Variants in STRN observed in about 807,000 individuals in gnomAD.
STRN encodes the protein striatin.
STRN carries 53 observed loss-of-function variants against 96.3 expected under a neutral mutation model. The observed-to-expected ratio is 0.55, with a 90% CI of 0.44 to 0.69. The LOEUF (loss-of-function observed/expected upper bound fraction) is 0.69. STRN is among the 30% of genes least tolerant of loss of function. The pLI is 0.00. For synonymous variants in STRN, 428 were observed against 355.9 expected (o/e 1.20, Z -2.28); for missense variants, 987 against 963.9 (o/e 1.02, Z -0.32).
chr2:36,944,809 T>G (rs532355416), intron 1 of STRN, among the ~76,000 whole-genome samples: 2 of 152,164 alleles, frequency 1.3e-5, no homozygotes, highest in Non-Finnish European at 2.9e-5. Flanking sequence ...ATGGAAGAGA[T>G]GCTTAAATTC....
chr2:36,950,499 G>C (rs555423403), intron 1 of STRN, among the ~76,000 whole-genome samples: 3 of 152,250 alleles, frequency 2.0e-5, no homozygotes, highest in South Asian at 2.1e-4. Flanking sequence ...TACAGGCGTA[G>C]TTTTTACTTA....
At chr2:36,862,982 C>T (rs1325234059) in intron 12 of STRN, among the ~76,000 whole-genome samples, 4 of 152,184 alleles carry the variant, frequency 2.6e-5, no homozygotes, top group Non-Finnish European at 5.9e-5. Context: ...CTCGGCCTCC[C>T]AAAGTGCTGG....
chr2:36,950,870 G>C (rs1287439068), intron 1 of STRN, among the ~76,000 whole-genome samples: 1 of 152,156 alleles, frequency 6.6e-6, no homozygotes, highest in African/African-American at 2.4e-5. Context: ...AGGGGAAGCA[G>C]GCTCAGAGAC....
chr2:36,863,257 A>C (rs1429177749), intron 12 of STRN, among the ~76,000 whole-genome samples: 1 of 151,832 alleles, frequency 6.6e-6, no homozygotes, highest in African/African-American at 2.4e-5. Context: ...TTGCCAGGGC[A>C]TATGTCTAGA....
chr2:36,917,267 A>G (rs969562312), intron 2 of STRN, among the ~76,000 whole-genome samples: 1 of 151,900 alleles, frequency 6.6e-6, no homozygotes, highest in African/African-American at 2.4e-5. Context: ...CATGCCTGTA[A>G]TCCTAACACT....
chr2:36,966,182 G>A (rs1385951523), intron 1 of STRN, 48 bp downstream of exon 1: 54 of 1,477,578 alleles, frequency 3.7e-5, no homozygotes, highest in Admixed American at 4.7e-5. Flanking sequence ...CGGGGCGGAA[G>A]GGAGCAAAGA....
Position 36,861,238 on chromosome 2 carries a change from A to G in STRN, c.1563T>C (p.Cys521=). Residue 521 remains cysteine, a synonymous_variant, in exon 13 of 18, where the codon TGT becomes TGC. Transcript: ENST00000263918. ...TFRAHKGPVL[C]VVMSSNGEQC... is the part of the protein sequence containing the mutation. ...GCTCACCATTGCTGCTCATTACCAC[A>G]CAAAGCACTGGACCTCTGGGAGATT... is the stretch of plus-strand genomic sequence containing the variant. The G allele has an allele frequency of 6.2e-7, 1 of 1,614,046 alleles. No individual in the cohort carries two copies. The highest frequency in any genetic ancestry group is 8.5e-7 in the Non-Finnish European group (1 of 1,179,934).
chr2:36,857,830 G>T, intron 14 of STRN, 26 bp downstream of exon 14: 1 of 1,585,946 alleles, frequency 6.3e-7, no homozygotes, highest in Non-Finnish European at 8.6e-7. Context: ...AGAGGATTCA[G>T]CAAAATAATT....
chr2:36,873,545 G>T (rs1452544305), intron 10 of STRN, among the ~76,000 whole-genome samples: 1 of 152,080 alleles, frequency 6.6e-6, no homozygotes, highest in Non-Finnish European at 1.5e-5. Flanking sequence ...GGGTAAGACA[G>T]TAAGATTCTG....
At chr2:36,916,923 TATCTGCTTA>T (rs1670115433) in intron 2 of STRN, among the ~76,000 whole-genome samples, 1 of 152,082 alleles carries the variant, frequency 6.6e-6, no homozygotes, top group Admixed American at 6.5e-5. Context: ...AAAATAGCCA[TATCTGCTTA>T]ATCTATTTGC....
At chr2:36,930,686 A>G (rs1219909384) in intron 1 of STRN, among the ~76,000 whole-genome samples, 2 of 152,116 alleles carry the variant, frequency 1.3e-5, no homozygotes, top group African/African-American at 2.4e-5. Context: ...AACAAAAAAC[A>G]AAGCAAAACA....
At chr2:36,872,523 G>C (rs1558631043) in intron 10 of STRN, among the ~76,000 whole-genome samples, 3 of 152,166 alleles carry the variant, frequency 2.0e-5, no homozygotes, top group Admixed American at 6.5e-5. Context: ...AAACTATGAA[G>C]ATAATAAATG....
Position 36,899,185 on chromosome 2 carries a change from C to A in STRN, c.795+338G>T, listed in dbSNP as rs527705398. ...AGAGCTGATGCTAGCTGCCATCAGG[C>A]ACCATGATGTGTCTGTCAATTCTAT... On this transcript the variant is annotated intron_variant, in intron 6 of 17. Transcript: ENST00000263918. 2.6e-5 allele frequency among the ~76,000 whole-genome samples: 4 copies of A among 152,294 alleles called. No homozygotes were observed. In the South Asian group the frequency reaches 8.3e-4, roughly 32 times the overall value.
chr2:36,961,042 G>A (rs938786284), intron 1 of STRN, among the ~76,000 whole-genome samples: 9 of 149,638 alleles, frequency 6.0e-5, no homozygotes, highest in East Asian at 2.0e-4. Flanking sequence ...GACCACAGAC[G>A]CATGCCAACG....
intron 2 of STRN, among the ~76,000 whole-genome samples, chr2:36,924,327 G>A (rs1188489080): frequency 4.4e-5 from 6 of 134,962 alleles, no homozygotes; most frequent in Non-Finnish European, 6.1e-5. Flanking sequence ...CTGCACTCCA[G>A]CATGGGCGAC....
chr2:36,912,296 C>T (rs542103695), intron 3 of STRN, among the ~76,000 whole-genome samples: 2 of 152,294 alleles, frequency 1.3e-5, no homozygotes, highest in South Asian at 4.1e-4. Context: ...TGTGTCCTTC[C>T]AGCTATTGCC....
chr2:36,931,674 T>C (rs985453497), intron 1 of STRN, among the ~76,000 whole-genome samples: 1 of 152,210 alleles, frequency 6.6e-6, no homozygotes, highest in Non-Finnish European at 1.5e-5. Context: ...ACCAGTAGCA[T>C]ATGTTATATT....
At chr2:36,957,902 C>T (rs1250588785) in intron 1 of STRN, among the ~76,000 whole-genome samples, 1 of 146,972 alleles carries the variant, frequency 6.8e-6, no homozygotes, top group African/African-American at 2.5e-5. Flanking sequence ...AGGCGCCCAT[C>T]ACGACGCCCA....
At chr2:36,867,754 T>A (rs17020003) in intron 12 of STRN, 60 bp downstream of exon 12, 3 of 1,149,216 alleles carry the variant, frequency 2.6e-6, no homozygotes, top group African/African-American at 1.6e-5. Flanking sequence ...AAATAAAATA[T>A]CCTAACCAGG....
Sources: gnomAD v4.1 joint callset for allele counts (sites outside exome capture counted in the v4.1 genomes callset) on GRCh38, gnomAD v4.1.1 for gene constraint, MANE v1.5 for transcripts, NCBI Gene and HGNC (gene_info 2026-07-23, HGNC 2026-07-21) for gene names.